The following METTL22 variants were observed in gnomAD, a reference collection of about 807,000 sequenced individuals.
METTL22 encodes the protein methyltransferase-like protein 22.
In METTL22, 51 loss-of-function variants were observed where a neutral mutation model predicts 48.4. The ratio of observed to expected loss-of-function variants is 1.05; its 90% CI spans 0.84 to 1.33. METTL22 has a LOEUF of 1.33. Ranked by LOEUF, METTL22 falls within the 40% of genes most tolerant of loss-of-function variation. The pLI is 0.00. For missense variants in METTL22, 678 were observed against 526.9 expected (o/e 1.29, Z -2.81); for synonymous variants, 255 against 214.1 (o/e 1.19, Z -1.67).
the METTL22 span, among the ~76,000 whole-genome samples, chr16:8,664,661 A>G: frequency 2.6e-5 from 4 of 151,918 alleles, no homozygotes; most frequent in African/African-American, 7.3e-5. Flanking sequence ...GGGTCTCCTT[A>G]TGTTGCCTGG....
the METTL22 span, among the ~76,000 whole-genome samples, chr16:8,656,360 T>G: frequency 2.6e-5 from 4 of 152,172 alleles, no homozygotes; most frequent in Non-Finnish European, 4.4e-5. Flanking sequence ...TAAATGATTT[T>G]ATTTGTACCC....
At chr16:8,666,519 C>A in the METTL22 span, among the ~76,000 whole-genome samples, 1 of 152,208 alleles carries the variant, frequency 6.6e-6, no homozygotes, top group African/African-American at 2.4e-5. Context: ...TGAGTGCTTA[C>A]TACATGCCAG....
chr16:8,635,161 C>A lies in METTL22; in HGVS notation c.556-7C>A, dbSNP rs1221301050. 6.2e-7 allele frequency: 1 copy of A among 1,613,184 alleles called. No homozygotes were observed. The highest frequency in any genetic ancestry group is 8.5e-7 in the Non-Finnish European group (1 of 1,179,500). ...CTGCTTGTCGCTCCTTGTCCTCTTC[C>A]CTCCAGGTGTGGCGGGGCGCCCTGC... On this transcript the variant is annotated splice_polypyrimidine_tract_variant and splice_region_variant and intron_variant, in intron 4 of 10. Coordinates refer to ENST00000381920, the MANE Select transcript of METTL22 (RefSeq NM_024109.4).
chr16:8,650,167 C>CT (rs547257443), downstream of METTL22, among the ~76,000 whole-genome samples: 4 of 152,236 alleles, frequency 2.6e-5, no homozygotes, highest in South Asian at 2.1e-4. Context: ...CTCTAAAAAA[C>CT]TTTTTTTTAA....
chr16:8,642,098 G>T, intron 7 of METTL22, 29 bp from the exon 8 acceptor site: 6 of 1,571,112 alleles, frequency 3.8e-6, no homozygotes, highest in Non-Finnish European at 5.3e-6. Flanking sequence ...AAGGCAATGG[G>T]CACAAAGTGT....
the METTL22 span, among the ~76,000 whole-genome samples, chr16:8,666,514 G>A: frequency 7.6e-4 from 116 of 152,284 alleles, no homozygotes; most frequent in East Asian, 0.016. Flanking sequence ...TTTGCTGAGT[G>A]CTTACTACAT....
At chr16:8,636,162 G>T (rs1475330335) in intron 5 of METTL22, among the ~76,000 whole-genome samples, 1 of 151,970 alleles carries the variant, frequency 6.6e-6, no homozygotes, top group Non-Finnish European at 1.5e-5. Flanking sequence ...TTTCCACTCA[G>T]TATGTCCATG....
the METTL22 span, among the ~76,000 whole-genome samples, chr16:8,660,813 A>G: frequency 5.7e-3 from 14 of 2,462 alleles, no homozygotes; most frequent in Admixed American, 0.014. Context: ...GAGGAGGAGG[A>G]GGAGGAGGAG....
Position 8,646,504 on chromosome 16 carries a change from C to T in METTL22, c.*361C>T, listed in dbSNP as rs967902967. The stretch of plus-strand genomic sequence containing the variant: ...GGCTGTGAGGTGGATTCTTGTACTG[C>T]CCTCTGTCAGCTGTTTACAGATGGG... On this transcript the variant is annotated 3_prime_UTR_variant, in exon 11 of 11. Transcript: ENST00000381920. 1.9e-6 allele frequency: 1 copy of T among 523,220 alleles called. No individual in the cohort carries two copies. The highest frequency in any genetic ancestry group is 3.7e-6 in the Non-Finnish European group (1 of 270,970). 32.4% of individuals were successfully genotyped at this position (523,220 alleles called of 1,614,324 possible). A position where few individuals can be genotyped will look rare whatever the true frequency, so the allele number is the denominator to read the frequency against.
At chr16:8,630,956 A>C (rs1299869232) in intron 3 of METTL22, among the ~76,000 whole-genome samples, 1 of 152,184 alleles carries the variant, frequency 6.6e-6, no homozygotes, top group Non-Finnish European at 1.5e-5. Context: ...CTCCATCTTC[A>C]CAAGCCAGGT....
chr16:8,624,962 A>G (rs543143886), intron 1 of METTL22, among the ~76,000 whole-genome samples: 1 of 152,310 alleles, frequency 6.6e-6, no homozygotes, highest in African/African-American at 2.4e-5. Flanking sequence ...TAAAAAAGAA[A>G]GAGTAAAGGG....
downstream of METTL22, among the ~76,000 whole-genome samples, chr16:8,650,920 A>G (rs1264149178): frequency 1.3e-5 from 2 of 152,208 alleles, no homozygotes; most frequent in Non-Finnish European, 2.9e-5. Context: ...GCTACTCTGG[A>G]GGCTGAGGCA....
At chr16:8,641,106 G>A in intron 6 of METTL22, 25 bp from the exon 7 acceptor site, 2 of 1,611,844 alleles carry the variant, frequency 1.2e-6, no homozygotes, top group Non-Finnish European at 1.7e-6. Flanking sequence ...AGTTTGGAAA[G>A]TTCTCTTTTT....
chr16:8,631,541 G>A (rs78876107), intron 3 of METTL22: 4,871 of 152,344 alleles, frequency 0.032, 115 homozygotes, highest in Middle Eastern at 0.082. Flanking sequence ...AAAGCTCTTA[G>A]CGTAATGCCT....
intron 1 of METTL22, among the ~76,000 whole-genome samples, chr16:8,623,428 T>C (rs2055929567): frequency 1.3e-5 from 2 of 152,110 alleles, no homozygotes; most frequent in African/African-American, 4.8e-5. Flanking sequence ...AAAAACTGTA[T>C]GTGAAAGTCC....
In METTL22 at chr16:8,649,574, C is replaced by G. The variant is rs1297613388; in HGVS notation, c.*3431C>G. 9 of 151,762 alleles carry G rather than the reference C, an allele frequency of 5.9e-5. No individual in the cohort carries two copies. In the East Asian group the frequency reaches 1.8e-3, roughly 30 times the overall value. The allele number at this position is 151,762 out of a possible 1,614,324, so 9.4% of individuals were successfully genotyped here. A position where few individuals can be genotyped will look rare whatever the true frequency, so the allele number is the denominator to read the frequency against. On this transcript the variant is annotated 3_prime_UTR_variant, in exon 11 of 11. Coordinates refer to ENST00000381920, the MANE Select transcript of METTL22 (RefSeq NM_024109.4). ...TGGGAGGCCGAGGTGGGTGGATCAC[C>G]TAAGGTCAGGAGTTCGAGACCAGCC...
chr16:8,630,029 T>G (rs1041513070), intron 3 of METTL22, among the ~76,000 whole-genome samples: 2 of 620 alleles, frequency 3.2e-3, no homozygotes, highest in African/African-American at 0.011. Context: ...CGCTGCTCAT[T>G]TGGGGAGCGG....
chr16:8,653,154 T>C (rs1464574136), downstream of METTL22, among the ~76,000 whole-genome samples: 2 of 152,222 alleles, frequency 1.3e-5, no homozygotes, highest in African/African-American at 4.8e-5. Context: ...CATGGCAGTG[T>C]GGTACAGTGG....
the METTL22 span, chr16:8,667,191 A>G: frequency 3.3e-5 from 5 of 152,108 alleles, no homozygotes; most frequent in African/African-American, 1.2e-4. Context: ...AGTGGGGAAG[A>G]GTTCAATCTC....
Sources: gnomAD v4.1 joint callset for allele counts (sites outside exome capture counted in the v4.1 genomes callset) on GRCh38, gnomAD v4.1.1 for gene constraint, MANE v1.5 for transcripts, NCBI Gene and HGNC (gene_info 2026-07-23, HGNC 2026-07-21) for gene names.